UGP2: variants seen among roughly 807,000 people sequenced by gnomAD.
UGP2 encodes UTP--glucose-1-phosphate uridylyltransferase.
A neutral mutation model predicts 49.0 loss-of-function variants in UGP2; 40 were observed. The ratio of observed to expected loss-of-function variants is 0.82; its 90% CI spans 0.63 to 1.06. UGP2 has a LOEUF of 1.06. Ranked by LOEUF, UGP2 falls within the 50% of genes least tolerant of loss-of-function variation. The pLI, the probability that UGP2 is intolerant of heterozygous loss-of-function variation, is 0.00. For synonymous variants in UGP2, 225 were observed against 213.0 expected (o/e 1.06, Z -0.49); for missense variants, 460 against 603.5 (o/e 0.76, Z 2.49).
At chr2:63,852,462 C>A (rs1669108110) in intron 1 of UGP2, among the ~76,000 whole-genome samples, 1 of 152,228 alleles carries the variant, frequency 6.6e-6, no homozygotes, top group Admixed American at 6.5e-5. Flanking sequence ...TGCTTTCATA[C>A]TTTCATTAGC....
chr2:63,873,486 TTTGGGGG>T (rs1293650107), intron 3 of UGP2, among the ~76,000 whole-genome samples: 2 of 152,182 alleles, frequency 1.3e-5, no homozygotes, highest in Non-Finnish European at 2.9e-5. Context: ...ATTTTGTTTT[TTTGGGGG>T]TGGTGAACTA....
At position 63,891,218 on chromosome 2, in the gene UGP2, G is replaced by T. The variant is rs1410377770; in HGVS notation, c.1518G>T (p.Leu506Phe). 1.2e-6 allele frequency: 2 copies of T among 1,612,436 alleles called. No homozygotes were observed. Among genetic ancestry groups the T allele is most frequent in the African/African-American group, 2.7e-5 (2 of 74,828 alleles). The change falls in exon 10 of 10, where the codon TTG (leucine) becomes TTT (phenylalanine). Residue 506 changes from leucine (L) to phenylalanine (F), a missense_variant. This residue lies in a region of UGP2 where 317 missense variants were observed against 473.0 expected (regional missense o/e 0.67). Coordinates refer to ENST00000337130, the MANE Select transcript of UGP2 (RefSeq NM_006759.4). ...TTGTGTCTGGAAACCTTCGCATCTT[G>T]GACCACTGAAATGAAAAATACTGTG... ...NKIVSGNLRI[L>F]DH is the part of the protein sequence containing the mutation.
chr2:63,889,054 C>T (rs1671890017), intron 8 of UGP2: 1 of 152,100 alleles, frequency 6.6e-6, no homozygotes, highest in Admixed American at 6.6e-5. Context: ...TGCATGTGTC[C>T]TCAGAGTCAA....
At chr2:63,856,275 T>C (rs1470352992) in intron 1 of UGP2, 31 bp from the exon 2 acceptor site, 1 of 1,602,898 alleles carries the variant, frequency 6.2e-7, no homozygotes, top group Non-Finnish European at 8.5e-7. Flanking sequence ...CCTGGAGTTT[T>C]CAGTTGGTGG....
At chr2:63,858,178 G>C (rs1669582371) in intron 3 of UGP2, among the ~76,000 whole-genome samples, 1 of 152,190 alleles carries the variant, frequency 6.6e-6, no homozygotes, top group South Asian at 2.1e-4. Context: ...GCAGTACCCA[G>C]TATCCCTGGA....
Position 63,890,174 on chromosome 2 carries a change from G to T in UGP2, c.1408G>T (p.Val470Phe). Residue 470 changes from valine to phenylalanine, a missense_variant, in exon 9 of 10, where the codon GTT (valine) becomes TTT (phenylalanine). Physicochemically the swap from Val to Phe is conservative, Grantham distance 50. Coordinates refer to ENST00000337130, the MANE Select transcript of UGP2 (RefSeq NM_006759.4). ...AGGAGATGTGACATTTGGAAAAAAT[G>T]TTTCATTAAAGGTATGTTGTTACAA... is the stretch of plus-strand genomic sequence containing the variant. ...VSGDVTFGKN[V>F]SLKGTVIIIA... The T allele has an allele frequency of 6.2e-7, 1 of 1,609,060 alleles. No individual in the cohort carries two copies. The highest frequency in any genetic ancestry group is 8.5e-7 in the Non-Finnish European group (1 of 1,177,428).
At position 63,869,924 on chromosome 2, in the gene UGP2, T is replaced by C. The variant is rs1041634672; in HGVS notation, c.255+11988T>C. Among the ~76,000 whole-genome samples, 58 of 144,444 alleles carry C rather than the reference T, an allele frequency of 4.0e-4. No individual in the cohort carries two copies. In the South Asian group the frequency reaches 6.5e-3, roughly 16 times the overall value. The allele number at this position is 144,444 out of a possible 152,430, so 94.8% of individuals were successfully genotyped here. A position where few individuals can be genotyped will look rare whatever the true frequency, so the allele number is the denominator to read the frequency against. On this transcript the variant is annotated intron_variant, in intron 3 of 9. Coordinates refer to ENST00000337130, the MANE Select transcript of UGP2 (RefSeq NM_006759.4). ...TTATTTTAGAGTAATTAAAATTAAT[T>C]TTTTTTTTTTTTTTTTGAGACAGAG...
At chr2:63,859,929 C>T (rs544528405) in intron 3 of UGP2, among the ~76,000 whole-genome samples, 2 of 152,274 alleles carry the variant, frequency 1.3e-5, no homozygotes, top group East Asian at 3.9e-4. Flanking sequence ...ATACGATATG[C>T]ATGTTACCAG....
Position 63,882,658 on chromosome 2 carries a change from A to G in UGP2, c.441+7A>G. On this transcript the variant is annotated splice_region_variant and intron_variant, in intron 4 of 9. Coordinates refer to ENST00000337130, the MANE Select transcript of UGP2 (RefSeq NM_006759.4). ...GACTGTTCAGCAAATTGAAGTGAGT[A>G]ACATTTAGCCTTTCTCATGAGATAC... The G allele has an allele frequency of 6.5e-7, 1 of 1,545,966 alleles. No homozygotes were observed. Among genetic ancestry groups the G allele is most frequent in the South Asian group, 1.3e-5 (1 of 79,918 alleles).
At position 63,890,198 on chromosome 2, in the gene UGP2, A is replaced by G. The variant is rs545778428; in HGVS notation, c.1419+13A>G. 527 of 1,567,026 alleles carry G rather than the reference A, an allele frequency of 3.4e-4. 10 individuals are homozygous for G. In the South Asian group the frequency reaches 5.4e-3, roughly 16 times the overall value. ...TGTTTCATTAAAGGTATGTTGTTAC[A>G]ATGAAAATTATATTTCTTACAGCTT... On this transcript the variant is annotated intron_variant, in intron 9 of 9. Coordinates refer to ENST00000337130, the MANE Select transcript of UGP2 (RefSeq NM_006759.4).
At chr2:63,842,365 GGTTGAC>G in intron 1 of UGP2, 161 bp downstream of exon 1, 1 of 1,601,618 alleles carries the variant, frequency 6.2e-7, no homozygotes, top group Non-Finnish European at 8.5e-7. Flanking sequence ...TGAGCTGCTG[GGTTGAC>G]GTTCCAGACG....
In UGP2 at chr2:63,886,422, A is replaced by G. The variant is rs1335560022; in HGVS notation, c.955A>G (p.Lys319Glu). Residue 319 changes from lysine (K) to glutamate (E), a missense_variant, in exon 7 of 10, where the codon AAG (lysine) becomes GAG (glutamate). Transcript: ENST00000337130. ...GCCAAAAGCACATGTAGACGAGTTC[A>G]AGTCTGTATCAAAGTTCAAAATATT... Reference protein sequence around the residue: ...QVPKAHVDEFKSVSKFKIFNT... With the variant: ...QVPKAHVDEFESVSKFKIFNT... 1 of 1,614,094 alleles carries G rather than the reference A, an allele frequency of 6.2e-7. No individual in the cohort carries two copies. The highest frequency in any genetic ancestry group is 8.5e-7 in the Non-Finnish European group (1 of 1,180,036).
At chr2:63,849,520 ATTC>A (rs1668902422) in intron 1 of UGP2, among the ~76,000 whole-genome samples, 1 of 152,262 alleles carries the variant, frequency 6.6e-6, no homozygotes, top group Admixed American at 6.5e-5. Context: ...GCATAAAAGC[ATTC>A]TTCGATTTTT....
At chr2:63,843,223 T>G (rs982745802) in intron 1 of UGP2, among the ~76,000 whole-genome samples, 2 of 152,176 alleles carry the variant, frequency 1.3e-5, no homozygotes, top group Non-Finnish European at 2.9e-5. Context: ...TGTAGTAGAT[T>G]AAAGTAAGAG....
chr2:63,874,776 A>T (rs1311349273), intron 3 of UGP2, among the ~76,000 whole-genome samples: 7 of 136,326 alleles, frequency 5.1e-5, no homozygotes, highest in African/African-American at 1.3e-4. Context: ...CTGATTGTTT[A>T]AAAAAAAAAA....
At chr2:63,884,168 C>G in intron 5 of UGP2, 75 bp downstream of exon 5, 1 of 1,549,226 alleles carries the variant, frequency 6.5e-7, no homozygotes, top group Non-Finnish European at 8.7e-7. Context: ...TATAACAGAG[C>G]AGTTTCAAGA....
At chr2:63,883,458 G>C (rs2104354454) in intron 4 of UGP2, 1 of 152,684 alleles carries the variant, frequency 6.5e-6, no homozygotes, top group Non-Finnish European at 1.5e-5. Context: ...AGGTTGAAAA[G>C]ATTTCAGCTG....
At chr2:63,861,577 A>T (rs1669849183) in intron 3 of UGP2, among the ~76,000 whole-genome samples, 1 of 150,878 alleles carries the variant, frequency 6.6e-6, no homozygotes, top group Non-Finnish European at 1.5e-5. Context: ...AGTCCCAGCT[A>T]CTTGGAAGGC....
rs1375980897 is a variant in UGP2 at position 63,891,399 on chromosome 2, C to G, written c.*172C>G. 2.2e-4 allele frequency: 97 copies of G among 432,558 alleles called. No individual in the cohort carries two copies. In the East Asian group the frequency reaches 3.5e-3, roughly 16 times the overall value. The allele number at this position is 432,558 out of a possible 1,614,324, so 26.8% of individuals were successfully genotyped here. ...TAGTCTAAGAAAAGCACAGATGGAG[C>G]AATACTTTCCTTCTTTGAAGAGAAT... On this transcript the variant is annotated 3_prime_UTR_variant, in exon 10 of 10. Transcript: ENST00000337130.
Sources: gnomAD v4.1 joint callset for allele counts (sites outside exome capture counted in the v4.1 genomes callset) on GRCh38, gnomAD v4.1.1 for gene constraint, gnomAD v4.1.1 regional missense constraint, MANE v1.5 for transcripts, NCBI Gene and HGNC (gene_info 2026-07-23, HGNC 2026-07-21) for gene names.